Variants in ABLIM1 observed in about 807,000 individuals in gnomAD.
The protein encoded by ABLIM1 is actin binding LIM protein 1, also known as actin-binding LIM protein 1.
In ABLIM1, 40 loss-of-function variants were observed where a neutral mutation model predicts 107.0. The observed-to-expected ratio is 0.37, with a 90% CI of 0.29 to 0.49. The LOEUF (loss-of-function observed/expected upper bound fraction) is 0.49. Among genes scored for constraint, ABLIM1 ranks in the 20% least tolerant of loss-of-function variants. The probability of loss-of-function intolerance (pLI) is 0.97; values close to 1 mark genes in which losing one functional copy is unlikely to be tolerated. For missense variants in ABLIM1, 857 were observed against 1,008.5 expected (o/e 0.85, Z 2.04); for synonymous variants, 357 against 357.3 (o/e 1.00, Z 0.01).
In ABLIM1 at chr10:114,436,366, A is replaced by G; in HGVS notation, c.2231T>C (p.Leu744Ser). ...EVDRTRLERH[L>S]APEVFREIFG... ...GATTTCCCGAAACACTTCAGGGGCT[A>G]AGTGGCGCTGGGAAGAAGAAAAAAA... is the stretch of plus-strand genomic sequence containing the variant. The change falls in exon 23 of 23, where the codon TTA becomes TCA. Residue 744 changes from leucine (L) to serine (S), a missense_variant. Leu to Ser is a moderately radical substitution (Grantham distance 145, BLOSUM62 -2). Transcript: ENST00000533213. 1 of 1,612,446 alleles carries G rather than the reference A, an allele frequency of 6.2e-7. No individual in the cohort carries two copies. The highest frequency in any genetic ancestry group is 1.1e-5 in the South Asian group (1 of 90,856).
intron 1 of ABLIM1, among the ~76,000 whole-genome samples, chr10:114,754,468 C>G (rs2082587356): frequency 2.0e-5 from 3 of 152,170 alleles, no homozygotes; most frequent in Non-Finnish European, 4.4e-5. Context: ...GCCACCTAGA[C>G]AGATGTCTCC....
chr10:114,541,069 C>T (rs1382582019), intron 6 of ABLIM1, among the ~76,000 whole-genome samples: 1 of 152,076 alleles, frequency 6.6e-6, no homozygotes, highest in Non-Finnish European at 1.5e-5. Context: ...GAAAAGGAGA[C>T]AACACGCAAA....
intron 1 of ABLIM1, chr10:114,631,923 C>T: frequency 7.7e-7 from 1 of 1,304,472 alleles, no homozygotes. Context: ...ACCATGGCAA[C>T]CGGGTCCTCC....
Position 114,633,416 on chromosome 10 carries a change from T to C in ABLIM1, c.244+24541A>G, listed in dbSNP as rs191406235. Among the ~76,000 whole-genome samples the C allele has an allele frequency of 4.4e-3, 671 of 152,216 alleles. 7 individuals carry two copies. The highest frequency in any genetic ancestry group is 0.015 in the African/African-American group (629 of 41,530). ...AGCACAGCTCAGGCAGCTGTGACAT[T>C]CCTACATCTGTGACTCAGGGCTTTA... On this transcript the variant is annotated intron_variant, in intron 1 of 22. Transcript: ENST00000533213.
At chr10:114,468,094 G>C in intron 11 of ABLIM1, 87 bp downstream of exon 11, 1 of 1,226,414 alleles carries the variant, frequency 8.2e-7, no homozygotes, top group Non-Finnish European at 1.2e-6. Context: ...TGTATGTTAT[G>C]TTCTTTTTCA....
chr10:114,512,762 T>C (rs961738320), intron 6 of ABLIM1, among the ~76,000 whole-genome samples: 1 of 149,952 alleles, frequency 6.7e-6, no homozygotes, highest in African/African-American at 2.5e-5. Flanking sequence ...GAAGTGGAGG[T>C]TGCGGTGAGC....
At chr10:114,776,336 C>T in the ABLIM1 span, among the ~76,000 whole-genome samples, 1,250 of 152,068 alleles carry the variant, frequency 8.2e-3, 12 homozygotes, top group Non-Finnish European at 0.012. Context: ...AGTTTTGGGC[C>T]GGGCGTGGTG....
chr10:114,622,524 G>A (rs989913818), intron 1 of ABLIM1, among the ~76,000 whole-genome samples: 2 of 152,004 alleles, frequency 1.3e-5, no homozygotes, highest in Non-Finnish European at 2.9e-5. Context: ...TGGTATTATA[G>A]GTATAAGCCA....
intron 1 of ABLIM1, among the ~76,000 whole-genome samples, chr10:114,635,989 G>A (rs1207212821): frequency 3.3e-5 from 5 of 152,192 alleles, no homozygotes. Context: ...TACTGGGCTG[G>A]GTATACAAAA....
At chr10:114,527,530 G>T (rs1015362412) in intron 6 of ABLIM1, among the ~76,000 whole-genome samples, 12 of 152,204 alleles carry the variant, frequency 7.9e-5, no homozygotes, top group Non-Finnish European at 1.5e-4. Flanking sequence ...GCCAGTGACT[G>T]AGGGGAAGCT....
chr10:114,729,677 G>A (rs967360307), intron 1 of ABLIM1, among the ~76,000 whole-genome samples: 17 of 152,070 alleles, frequency 1.1e-4, no homozygotes, highest in African/African-American at 4.1e-4. Flanking sequence ...ACCATATTTT[G>A]AGAAATAGGG....
At chr10:114,773,859 A>G in the ABLIM1 span, among the ~76,000 whole-genome samples, 2 of 150,146 alleles carry the variant, frequency 1.3e-5, no homozygotes, top group Non-Finnish European at 3.0e-5. Context: ...ATAAATATAT[A>G]TGTAAATATA....
chr10:114,535,854 G>A (rs2065943355), intron 6 of ABLIM1, among the ~76,000 whole-genome samples: 1 of 152,066 alleles, frequency 6.6e-6, no homozygotes, highest in Non-Finnish European at 1.5e-5. Context: ...CAGCATTCAA[G>A]GGATGCAAAA....
chr10:114,643,692 C>G (rs2078850974), intron 1 of ABLIM1, among the ~76,000 whole-genome samples: 2 of 151,758 alleles, frequency 1.3e-5, no homozygotes, highest in Admixed American at 6.6e-5. Flanking sequence ...TCCTCCCACC[C>G]CAGCCTCCTG....
At chr10:114,636,017 A>G (rs2078462116) in intron 1 of ABLIM1, among the ~76,000 whole-genome samples, 1 of 152,224 alleles carries the variant, frequency 6.6e-6, no homozygotes, top group Non-Finnish European at 1.5e-5. Flanking sequence ...GAGAGAAACC[A>G]CTGCCCAGGA....
At chr10:114,722,621 G>C (rs967065233) in intron 1 of ABLIM1, among the ~76,000 whole-genome samples, 1 of 152,338 alleles carries the variant, frequency 6.6e-6, no homozygotes, top group Admixed American at 6.5e-5. Context: ...TGAACACATT[G>C]TAAGGGACAA....
chr10:114,681,027 CTA>C (rs2080725145), intron 1 of ABLIM1, among the ~76,000 whole-genome samples: 1 of 151,994 alleles, frequency 6.6e-6, no homozygotes, highest in South Asian at 2.1e-4. Flanking sequence ...GACAGTCACT[CTA>C]AATGTAAAAA....
At chr10:114,712,148 T>C (rs566928755) in intron 1 of ABLIM1, among the ~76,000 whole-genome samples, 1 of 150,434 alleles carries the variant, frequency 6.6e-6, no homozygotes, top group African/African-American at 2.4e-5. Context: ...AGGTCTGGAG[T>C]TCAAGACCAG....
At chr10:114,552,154 C>A (rs2068140485) in intron 4 of ABLIM1, among the ~76,000 whole-genome samples, 1 of 152,162 alleles carries the variant, frequency 6.6e-6, no homozygotes, top group African/African-American at 2.4e-5. Context: ...CTGGACAAAG[C>A]CATGGTCTTC....
Sources: allele counts gnomAD v4.1 joint callset (sites outside exome capture counted in the v4.1 genomes callset), GRCh38; gene constraint gnomAD v4.1.1; transcripts MANE v1.5; gene names NCBI Gene and HGNC (gene_info 2026-07-23, HGNC 2026-07-21).